The following EDIL3 variants were observed in gnomAD, a reference collection of about 807,000 sequenced individuals.
EDIL3 encodes the protein EGF-like repeat and discoidin I-like domain-containing protein 3.
In EDIL3, 37 loss-of-function variants were observed where a neutral mutation model predicts 67.4. The ratio of observed to expected loss-of-function variants is 0.55; its 90% CI spans 0.42 to 0.72. The LOEUF is 0.72. Ranked by LOEUF, EDIL3 falls within the 30% of genes least tolerant of loss-of-function variation. The probability of loss-of-function intolerance (pLI) is 0.00; values close to 1 mark genes in which losing one functional copy is unlikely to be tolerated. For synonymous variants in EDIL3, 195 were observed against 196.3 expected, an observed-to-expected ratio of 0.99 and a Z score of 0.05; for missense variants, 527 against 586.3, an observed-to-expected ratio of 0.90 and a Z score of 1.04.
intron 9 of EDIL3, among the ~76,000 whole-genome samples, chr5:84,042,766 C>CA (rs1418818073): frequency 6.6e-6 from 1 of 152,008 alleles, no homozygotes; most frequent in Non-Finnish European, 1.5e-5. Flanking sequence ...ATCTGTAACG[C>CA]AAAAAATAAT....
chr5:83,994,938 G>GA (rs1561397039), intron 9 of EDIL3, among the ~76,000 whole-genome samples: 2 of 151,908 alleles, frequency 1.3e-5, no homozygotes, highest in Admixed American at 1.3e-4. Context: ...AACAGTATGT[G>GA]AAAAATGCTC....
At chr5:84,150,370 A>G (rs946552478) in intron 4 of EDIL3, among the ~76,000 whole-genome samples, 132 of 152,312 alleles carry the variant, frequency 8.7e-4, no homozygotes, top group African/African-American at 3.0e-3. Context: ...GATTGGGAGA[A>G]CATATTTGCA....
In EDIL3 at chr5:84,066,585, T is replaced by C; in HGVS notation, c.673A>G (p.Arg225Gly). The C allele has an allele frequency of 6.2e-7, 1 of 1,612,406 alleles. No individual in the cohort carries two copies. The highest frequency in any genetic ancestry group is 1.3e-5 in the African/African-American group (1 of 74,974). The stretch of plus-strand genomic sequence containing the variant: ...CCTTGGGTAATCACACCAGTAACTC[T>C]CATTTTCCTTTGCAAATTTATCTGA... ...WIQINLQRKMRVTGVITQGAK... is the reference protein window; with the variant it reads ...WIQINLQRKMGVTGVITQGAK... The change falls in exon 7 of 11, where the codon AGA becomes GGA. Residue 225 changes from arginine to glycine, a missense_variant. Physicochemically the swap from Arg to Gly is moderately radical, Grantham distance 125 (BLOSUM62 -2). Coordinates refer to ENST00000296591, the MANE Select transcript of EDIL3 (RefSeq NM_005711.5).
At chr5:83,995,765 G>C (rs538796313) in intron 9 of EDIL3, among the ~76,000 whole-genome samples, 30 of 152,024 alleles carry the variant, frequency 2.0e-4, no homozygotes, top group South Asian at 4.2e-4. Context: ...TTCCTCTCCT[G>C]CTTAAAATTT....
chr5:84,107,420 T>A (rs1747484261), intron 5 of EDIL3, among the ~76,000 whole-genome samples: 1 of 151,760 alleles, frequency 6.6e-6, no homozygotes, highest in Admixed American at 6.6e-5. Flanking sequence ...TATTATAAAT[T>A]ATAAAATATA....
intron 3 of EDIL3, among the ~76,000 whole-genome samples, chr5:84,185,954 T>A (rs140737697): frequency 1.3e-5 from 2 of 152,092 alleles, no homozygotes; most frequent in African/African-American, 4.8e-5. Context: ...ATGAGCAAGA[T>A]AAAATGATCA....
At chr5:84,160,084 T>G (rs1748576206) in intron 4 of EDIL3, among the ~76,000 whole-genome samples, 1 of 152,140 alleles carries the variant, frequency 6.6e-6, no homozygotes. Context: ...ATAGTCACAT[T>G]GTGATAAAAG....
intron 1 of EDIL3, among the ~76,000 whole-genome samples, chr5:84,286,319 G>C (rs371578429): frequency 6.6e-6 from 1 of 152,034 alleles, no homozygotes. Flanking sequence ...AGAGCCTGTC[G>C]TTATTTTAAA....
chr5:83,966,165 C>A (rs1333886451), intron 9 of EDIL3, among the ~76,000 whole-genome samples: 1 of 152,070 alleles, frequency 6.6e-6, no homozygotes, highest in Non-Finnish European at 1.5e-5. Flanking sequence ...TCTTTCAGAT[C>A]CTCACCTCCC....
At chr5:84,013,915 A>G (rs1745556723) in intron 9 of EDIL3, among the ~76,000 whole-genome samples, 1 of 152,154 alleles carries the variant, frequency 6.6e-6, no homozygotes, top group East Asian at 1.9e-4. Flanking sequence ...TATCATATAG[A>G]TTGAATTGTA....
At chr5:84,039,105 T>A (rs188705240) in intron 9 of EDIL3, among the ~76,000 whole-genome samples, 2 of 140,156 alleles carry the variant, frequency 1.4e-5, no homozygotes, top group East Asian at 4.0e-4. Flanking sequence ...TCCTAAAGAC[T>A]GTGTTTTTTT....
intron 2 of EDIL3, among the ~76,000 whole-genome samples, chr5:84,251,603 C>T (rs1343283693): frequency 2.6e-5 from 4 of 151,946 alleles, no homozygotes; most frequent in Non-Finnish European, 4.4e-5. Context: ...AAATATGAAG[C>T]TAAGAAAAAG....
chr5:83,988,323 T>C (rs1346297926), intron 9 of EDIL3, among the ~76,000 whole-genome samples: 1 of 152,184 alleles, frequency 6.6e-6, no homozygotes, highest in African/African-American at 2.4e-5. Context: ...AACTTCTTTT[T>C]GAAAGACAAA....
intron 1 of EDIL3, among the ~76,000 whole-genome samples, chr5:84,304,182 T>C (rs549753674): frequency 6.6e-6 from 1 of 152,306 alleles, no homozygotes; most frequent in East Asian, 1.9e-4. Flanking sequence ...CTATATCCTG[T>C]CTTCACCATT....
chr5:84,160,744 T>TTTCCTTTCCTTTCCTTTCCTTTC (rs140316379), intron 4 of EDIL3, among the ~76,000 whole-genome samples: 2 of 100,030 alleles, frequency 2.0e-5, no homozygotes, highest in African/African-American at 4.1e-5. Context: ...TCTTTTCTTT[T>TTTCCTTTCCTTTCCTTTCCTTTC]CTTTCCTTTC....
chr5:84,073,415 T>C (rs1467721900), intron 6 of EDIL3, among the ~76,000 whole-genome samples: 1 of 152,178 alleles, frequency 6.6e-6, no homozygotes, highest in Non-Finnish European at 1.5e-5. Context: ...TTGTCCCTGT[T>C]TGCAGATGAC....
At chr5:84,160,952 A>C (rs1218979377) in intron 4 of EDIL3, among the ~76,000 whole-genome samples, 1 of 151,652 alleles carries the variant, frequency 6.6e-6, no homozygotes, top group Admixed American at 6.6e-5. Flanking sequence ...CCATCACTGC[A>C]TGGTGTACAG....
intron 9 of EDIL3, among the ~76,000 whole-genome samples, chr5:84,036,669 G>A (rs928873359): frequency 3.3e-5 from 5 of 152,154 alleles, no homozygotes; most frequent in Non-Finnish European, 7.3e-5. Context: ...AGTCACTAGG[G>A]ACTTGAGGGA....
intron 1 of EDIL3, among the ~76,000 whole-genome samples, chr5:84,377,167 A>C (rs1326708226): frequency 1.3e-5 from 2 of 152,134 alleles, no homozygotes; most frequent in Admixed American, 6.5e-5. Context: ...TCTACTAAAA[A>C]TACAGAAAAA....
Sources: gnomAD v4.1 joint callset for allele counts (sites outside exome capture counted in the v4.1 genomes callset) on GRCh38, gnomAD v4.1.1 for gene constraint, MANE v1.5 for transcripts, NCBI Gene and HGNC (gene_info 2026-07-23, HGNC 2026-07-21) for gene names.